The following TANC1 variants were observed in gnomAD, a reference collection of about 807,000 sequenced individuals.
TANC1 encodes the protein protein TANC1.
In TANC1, 77 loss-of-function variants were observed where a neutral mutation model predicts 149.7. The ratio of observed to expected loss-of-function variants is 0.51; its 90% confidence interval spans 0.43 to 0.62. The LOEUF is 0.62. Ranked by LOEUF, TANC1 falls within the 20% of genes least tolerant of loss-of-function variation. TANC1 has a pLI of 0.00. For missense variants in TANC1, 1,985 were observed against 2,321.8 expected (o/e 0.85, Z 2.98); for synonymous variants, 854 against 925.0 (o/e 0.92, Z 1.39).
chr2:159,158,842 C>T (rs992264442), intron 7 of TANC1, among the ~76,000 whole-genome samples: 8 of 152,316 alleles, frequency 5.3e-5, no homozygotes, highest in South Asian at 2.1e-4. Context: ...GGTCTGGAGA[C>T]GCATACCTCC....
At chr2:159,023,929 C>T (rs1351443251) in intron 2 of TANC1, among the ~76,000 whole-genome samples, 1 of 151,114 alleles carries the variant, frequency 6.6e-6, no homozygotes, top group Non-Finnish European at 1.5e-5. Context: ...GATCGTGCCA[C>T]TGCACTCCAG....
chr2:159,145,536 T>C (rs2051968405), intron 5 of TANC1, among the ~76,000 whole-genome samples: 1 of 152,144 alleles, frequency 6.6e-6, no homozygotes, highest in African/African-American at 2.4e-5. Flanking sequence ...ACACCCTGGA[T>C]TCCCAGACAG....
At chr2:159,082,577 C>A (rs2044388106) in intron 3 of TANC1, among the ~76,000 whole-genome samples, 1 of 152,122 alleles carries the variant, frequency 6.6e-6, no homozygotes. Flanking sequence ...GCAAACATGA[C>A]CCTCGCCTTT....
chr2:159,174,809 A>T (rs2055665764), intron 11 of TANC1, 144 bp from the exon 12 acceptor site: 2 of 716,756 alleles, frequency 2.8e-6, no homozygotes, highest in Non-Finnish European at 5.0e-6. Context: ...TGGAACAATT[A>T]TGCTAACAAA....
chr2:159,140,311 C>T (rs1378833646), intron 5 of TANC1, among the ~76,000 whole-genome samples: 1 of 151,972 alleles, frequency 6.6e-6, no homozygotes, highest in African/African-American at 2.4e-5. Flanking sequence ...CAAGAGGTAA[C>T]CTTGATCCTG....
At chr2:159,123,615 G>A (rs184553090) in intron 4 of TANC1, among the ~76,000 whole-genome samples, 33 of 152,260 alleles carry the variant, frequency 2.2e-4, no homozygotes, top group African/African-American at 7.0e-4. Flanking sequence ...GTAAATATTG[G>A]AGAAGACATT....
chr2:159,034,594 T>C (rs2040034665), intron 2 of TANC1, among the ~76,000 whole-genome samples: 1 of 152,192 alleles, frequency 6.6e-6, no homozygotes, highest in South Asian at 2.1e-4. Flanking sequence ...GTAACAGTAC[T>C]AGCAGGACAC....
At chr2:159,229,502 A>C (rs975063734) in intron 26 of TANC1, 76 bp from the exon 27 acceptor site, 4 of 1,233,326 alleles carry the variant, frequency 3.2e-6, no homozygotes, top group African/African-American at 1.5e-5. Flanking sequence ...CTTTGAGCAC[A>C]GCTCTTTTAT....
Position 159,136,814 on chromosome 2 carries a change from T to G in TANC1, c.364+516T>G, listed in dbSNP as rs73969460. ...AAAAAAAAAAAAAAAAAAACCAAAT[T>G]GATGGAAATATTTTTAAAGACATTT... On this transcript the variant is annotated intron_variant, in intron 5 of 26. Coordinates refer to ENST00000263635, the MANE Select transcript of TANC1 (RefSeq NM_033394.3). Among the ~76,000 whole-genome samples the G allele has an allele frequency of 6.4e-3, 944 of 147,050 alleles. 10 individuals are homozygous for G. Among genetic ancestry groups the G allele is most frequent in the African/African-American group, 0.022 (889 of 40,600 alleles).
At chr2:159,170,171 C>T (rs1021690375) in intron 9 of TANC1, among the ~76,000 whole-genome samples, 26 of 152,160 alleles carry the variant, frequency 1.7e-4, no homozygotes, top group Admixed American at 1.0e-3. Context: ...GGAAGAAGCA[C>T]GTCTTAAATG....
chr2:159,001,854 G>C lies in TANC1; in HGVS notation c.-16+665G>C, dbSNP rs2036638955. Among the ~76,000 whole-genome samples, 2 of 152,254 alleles carry C rather than the reference G, an allele frequency of 1.3e-5. No individual in the cohort carries two copies. Among genetic ancestry groups the C allele is most frequent in the Admixed American group, 6.5e-5 (1 of 15,294 alleles). On this transcript the variant is annotated intron_variant, in intron 2 of 26. Coordinates refer to ENST00000263635, the MANE Select transcript of TANC1 (RefSeq NM_033394.3). This position sits in a 1 kb window ranked among gnomAD's most constrained non-coding sequence, Gnocchi z 4.3. ...TAGGGAATTGAACAGTGGACAGAAG[G>C]TTCCAGAGGCTGTGGGGGAAGGGAG...
chr2:159,141,655 A>T (rs115140391), intron 5 of TANC1, among the ~76,000 whole-genome samples: 562 of 152,350 alleles, frequency 3.7e-3, no homozygotes, highest in African/African-American at 0.013. Context: ...ACTGGGTATC[A>T]AGAAAGAGCT....
chr2:159,075,014 T>C (rs2149750289), intron 3 of TANC1, among the ~76,000 whole-genome samples: 1 of 152,230 alleles, frequency 6.6e-6, no homozygotes, highest in Non-Finnish European at 1.5e-5. Context: ...TCCCAAATAC[T>C]GTCACATTGG....
At chr2:159,088,785 T>G (rs1227775858) in intron 3 of TANC1, among the ~76,000 whole-genome samples, 1 of 150,856 alleles carries the variant, frequency 6.6e-6, no homozygotes, top group African/African-American at 2.4e-5. Flanking sequence ...GCCAAAAGAT[T>G]AGACACCCCC....
intron 2 of TANC1, among the ~76,000 whole-genome samples, chr2:159,052,394 G>A (rs959873560): frequency 6.6e-6 from 1 of 152,046 alleles, no homozygotes; most frequent in Admixed American, 6.5e-5. Context: ...TAGCAGTGGC[G>A]TGTATGTGAC....
At chr2:158,984,716 G>A (rs994905658) in intron 1 of TANC1, among the ~76,000 whole-genome samples, 3 of 151,914 alleles carry the variant, frequency 2.0e-5, no homozygotes, top group Non-Finnish European at 2.9e-5. Context: ...GCTGGGGAAA[G>A]CTTCAGGGAG....
intron 14 of TANC1, among the ~76,000 whole-genome samples, chr2:159,180,892 C>T (rs528290102): frequency 6.6e-6 from 1 of 152,252 alleles, no homozygotes; most frequent in South Asian, 2.1e-4. Flanking sequence ...GAGGGAGGCA[C>T]ACTTCATGTG....
intron 4 of TANC1, among the ~76,000 whole-genome samples, chr2:159,121,676 T>C (rs1414158091): frequency 6.6e-6 from 1 of 152,134 alleles, no homozygotes; most frequent in Admixed American, 6.5e-5. Flanking sequence ...CAAAAAGATG[T>C]TAATGGTTTA....
rs111554546 is a variant in TANC1 at position 159,201,015 on chromosome 2, G to A, written c.3244+1962G>A. Among the ~76,000 whole-genome samples, 341 of 151,978 alleles carry A rather than the reference G, an allele frequency of 2.2e-3. 2 individuals carry two copies. The highest frequency in any genetic ancestry group is 7.8e-3 in the African/African-American group (323 of 41,252). ...AGGCAAGAGTTTACTTGAGACGTTT[G>A]TTAAAATTTAAAGCAAGAAGAGGCA... On this transcript the variant is annotated intron_variant, in intron 19 of 26. Coordinates refer to ENST00000263635, the MANE Select transcript of TANC1 (RefSeq NM_033394.3).
Sources: allele counts gnomAD v4.1 joint callset (sites outside exome capture counted in the v4.1 genomes callset), GRCh38; gene constraint gnomAD v4.1.1; non-coding constraint Gnocchi (gnomAD v3.1); transcripts MANE v1.5; gene names NCBI Gene and HGNC (gene_info 2026-07-23, HGNC 2026-07-21).